The following RGS6 variants were observed in gnomAD, a reference collection of about 807,000 sequenced individuals.
RGS6 encodes regulator of G protein signaling 6, also known as regulator of G-protein signaling 6.
Under a neutral mutation model 78.5 loss-of-function variants are expected in RGS6, and 30 were observed. The ratio of observed to expected loss-of-function variants is 0.38; its 90% CI spans 0.29 to 0.52. RGS6 has a LOEUF of 0.52. RGS6 is among the 20% of genes least tolerant of loss of function. RGS6 has a pLI of 0.85. For synonymous variants in RGS6, 206 were observed against 206.0 expected, an observed-to-expected ratio of 1.00 and a Z score of 0.00; for missense variants, 495 against 609.7, an observed-to-expected ratio of 0.81 and a Z score of 1.98.
intron 3 of RGS6, among the ~76,000 whole-genome samples, chr14:72,432,263 G>T (rs973110605): frequency 6.6e-6 from 1 of 152,156 alleles, no homozygotes; most frequent in Admixed American, 6.5e-5. Flanking sequence ...TATGTTGATG[G>T]GCGTGGCCCA....
At chr14:72,609,645 A>G in the RGS6 span, among the ~76,000 whole-genome samples, 1 of 152,212 alleles carries the variant, frequency 6.6e-6, no homozygotes, top group Admixed American at 6.5e-5. Context: ...AGGACAGAGG[A>G]CAAGGGTGGC....
chr14:72,188,265 T>C (rs1274122618), intron 2 of RGS6, among the ~76,000 whole-genome samples: 1 of 152,174 alleles, frequency 6.6e-6, no homozygotes, highest in Non-Finnish European at 1.5e-5. Context: ...CAAAGTTATG[T>C]ATTTATCAGT....
chr14:72,505,076 A>G (rs928542500), intron 13 of RGS6, among the ~76,000 whole-genome samples: 3 of 151,562 alleles, frequency 2.0e-5, no homozygotes, highest in African/African-American at 7.3e-5. Flanking sequence ...GCACCCAGCC[A>G]ATTTAGGCTT....
intron 2 of RGS6, among the ~76,000 whole-genome samples, chr14:71,993,266 G>T (rs532380939): frequency 6.6e-6 from 1 of 152,174 alleles, no homozygotes; most frequent in South Asian, 2.1e-4. Flanking sequence ...CTGTGGCCAT[G>T]GCAACACATC....
chr14:71,990,250 G>A (rs1385514007), intron 2 of RGS6, among the ~76,000 whole-genome samples: 1 of 152,060 alleles, frequency 6.6e-6, no homozygotes, highest in East Asian at 1.9e-4. Context: ...CACCACAGTG[G>A]GGAGCAAATT....
intron 2 of RGS6, among the ~76,000 whole-genome samples, chr14:72,235,323 G>A (rs2050736184): frequency 6.6e-6 from 1 of 152,188 alleles, no homozygotes; most frequent in South Asian, 2.1e-4. Flanking sequence ...AAAACTCAGG[G>A]CATGTTCTGG....
intron 2 of RGS6, among the ~76,000 whole-genome samples, chr14:72,078,244 A>C (rs1345416354): frequency 6.6e-6 from 1 of 152,130 alleles, no homozygotes; most frequent in Non-Finnish European, 1.5e-5. Context: ...CGGCCATGTA[A>C]GGTGAGGATG....
chr14:72,000,247 A>G (rs535842061), intron 2 of RGS6, among the ~76,000 whole-genome samples: 1 of 152,364 alleles, frequency 6.6e-6, no homozygotes, highest in East Asian at 1.9e-4. Flanking sequence ...GAGGATGCAA[A>G]GGAAGAAGTG....
chr14:72,260,381 A>G (rs572379932), intron 2 of RGS6, among the ~76,000 whole-genome samples: 2 of 152,378 alleles, frequency 1.3e-5, no homozygotes, highest in South Asian at 2.1e-4. Context: ...AAAATGAGTG[A>G]TAATTATCTA....
intron 2 of RGS6, among the ~76,000 whole-genome samples, chr14:72,192,513 G>A (rs193547): frequency 0.13 from 20,164 of 152,144 alleles, 1,564 homozygotes; most frequent in East Asian, 0.28. Context: ...TCAGGAGAAG[G>A]TCCTGGAGGA....
At chr14:72,360,203 A>G (rs2081177859) in intron 3 of RGS6, among the ~76,000 whole-genome samples, 1 of 152,122 alleles carries the variant, frequency 6.6e-6, no homozygotes, top group Non-Finnish European at 1.5e-5. Context: ...TCAGCTAGAA[A>G]CACATACAAT....
At chr14:72,181,716 A>G (rs575372332) in intron 2 of RGS6, among the ~76,000 whole-genome samples, 2 of 152,350 alleles carry the variant, frequency 1.3e-5, no homozygotes, top group East Asian at 1.9e-4. Flanking sequence ...CAGGTTCTCT[A>G]TAACCTTGAA....
Position 72,066,722 on chromosome 14 carries a change from A to G in RGS6, c.84+101847A>G, listed in dbSNP as rs181617667. Among the ~76,000 whole-genome samples the G allele has an allele frequency of 3.7e-3, 570 of 152,206 alleles. 1 individual carries two copies. Among genetic ancestry groups the G allele is most frequent in the African/African-American group, 0.013 (557 of 41,536 alleles). ...AAGTACTTAATTTACAGGAAAAAAA[A>G]TACAGTTTCCGATACTGAATAATTA... On this transcript the variant is annotated intron_variant, in intron 2 of 17. Transcript: ENST00000553525.
chr14:72,573,401 G>A, the RGS6 span, among the ~76,000 whole-genome samples: 1 of 152,158 alleles, frequency 6.6e-6, no homozygotes, highest in African/African-American at 2.4e-5. Flanking sequence ...TGCGGCAAAT[G>A]TCTTAACAGA....
At chr14:72,459,540 GAGCCT>G in intron 5 of RGS6, 87 bp from the exon 6 acceptor site, 1 of 1,168,484 alleles carries the variant, frequency 8.6e-7, no homozygotes, top group South Asian at 1.2e-5. Flanking sequence ...AGATGGGGGA[GAGCCT>G]GCCATCAGGG....
rs2097692030 is a variant in RGS6 at position 72,562,846 on chromosome 14, CG to C, written c.*381del. 4.1e-6 allele frequency: 5 copies of C among 1,211,272 alleles called. No individual in the cohort carries two copies. The highest frequency in any genetic ancestry group is 5.9e-6 in the Non-Finnish European group (5 of 851,314). 75.0% of individuals were successfully genotyped at this position (1,211,272 alleles called of 1,614,324 possible). A position where few individuals can be genotyped will look rare whatever the true frequency, so the allele number is the denominator to read the frequency against. On this transcript the variant is annotated 3_prime_UTR_variant, in exon 18 of 18. Transcript: ENST00000553525. ...TCCTCACTCCCTCGCTGTCTGGAGA[CG>C]GTCACACCTTCTGGCAAATTCAAGA...
chr14:72,058,671 G>A (rs1050053691), intron 2 of RGS6, among the ~76,000 whole-genome samples: 1 of 152,272 alleles, frequency 6.6e-6, no homozygotes, highest in Middle Eastern at 3.4e-3. Context: ...GAATGGCCCT[G>A]AAATTGTTTC....
At chr14:72,295,757 A>G (rs2064684804) in intron 2 of RGS6, among the ~76,000 whole-genome samples, 1 of 152,226 alleles carries the variant, frequency 6.6e-6, no homozygotes, top group Admixed American at 6.5e-5. Flanking sequence ...GGAAGAGAGT[A>G]AATAAAAATA....
chr14:72,117,120 T>C lies in RGS6; in HGVS notation c.84+152245T>C, dbSNP rs991894960. Among the ~76,000 whole-genome samples, 70 of 151,874 alleles carry C rather than the reference T, an allele frequency of 4.6e-4. 7 individuals carry two copies. On this transcript the variant is annotated intron_variant, in intron 2 of 17. Coordinates refer to ENST00000553525, the MANE Select transcript of RGS6 (RefSeq NM_001204424.2). ...TGGGGACAAAATGCATCAAGCAAAA[T>C]GAAGAGCCAGTGCCCAGGTCCTGGA... is the stretch of plus-strand genomic sequence containing the variant.
Sources: allele counts gnomAD v4.1 joint callset (sites outside exome capture counted in the v4.1 genomes callset), GRCh38; gene constraint gnomAD v4.1.1; transcripts MANE v1.5; gene names NCBI Gene and HGNC (gene_info 2026-07-23, HGNC 2026-07-21).